NID1: variants seen among roughly 807,000 people sequenced by gnomAD.
NID1 encodes nidogen 1.
NID1 carries 76 observed loss-of-function variants against 130.6 expected under a neutral mutation model. That is an observed-to-expected ratio of 0.58 (90% CI 0.48 to 0.70). The LOEUF is 0.70. Among genes scored for constraint, NID1 ranks in the 30% least tolerant of loss-of-function variants. The probability of loss-of-function intolerance (pLI) is 0.00; values close to 1 mark genes in which losing one functional copy is unlikely to be tolerated. For synonymous variants in NID1, 665 were observed against 675.1 expected (o/e 0.98, Z 0.23); for missense variants, 1,517 against 1,664.8 (o/e 0.91, Z 1.54).
intron 1 of NID1, among the ~76,000 whole-genome samples, chr1:236,057,866 C>T (rs1659939757): frequency 6.6e-6 from 1 of 152,204 alleles, no homozygotes; most frequent in Non-Finnish European, 1.5e-5. Context: ...CTTGTGAAGG[C>T]TTTCTGACCT....
rs769350405 is a variant in NID1, at chr1:236,013,510, A to C, written c.2305T>G (p.Cys769Gly). 1 of 1,614,028 alleles carries C rather than the reference A, an allele frequency of 6.2e-7. No homozygotes were observed. Among genetic ancestry groups the C allele is most frequent in the African/African-American group, 1.3e-5 (1 of 74,918 alleles). Residue 769 changes from cysteine (C) to glycine (G), a missense_variant, in exon 11 of 20, where the codon TGC becomes GGC. Cys to Gly is a radical substitution (Grantham distance 159, BLOSUM62 -3). This residue lies in a region of NID1 where 1,329 missense variants were observed against 1,429.2 expected (regional missense o/e 0.93). Transcript: ENST00000264187. ...INYCETGLHN[C>G]DIPQRAQCIY... ...CACTGGGCCCGCTGGGGTATGTCGC[A>C]GTTATGAAGGCCAGTTTCACAGTAG...
At chr1:236,007,054 G>C (rs1283250849) in intron 12 of NID1, among the ~76,000 whole-genome samples, 1 of 152,062 alleles carries the variant, frequency 6.6e-6, no homozygotes, top group African/African-American at 2.4e-5. Flanking sequence ...AAAGGGTCTA[G>C]CTCTGTCACC....
chr1:235,994,875 T>G (rs531829579), intron 12 of NID1, among the ~76,000 whole-genome samples: 3 of 152,318 alleles, frequency 2.0e-5, no homozygotes, highest in Admixed American at 2.0e-4. Context: ...TTTTATATTT[T>G]TAGTAGAGAC....
chr1:236,027,600 G>A (rs1034714351), intron 7 of NID1, among the ~76,000 whole-genome samples: 5 of 152,198 alleles, frequency 3.3e-5, no homozygotes, highest in Non-Finnish European at 5.9e-5. Context: ...AGGCTGAAGC[G>A]GGAGGATCAC....
At chr1:235,991,147 A>G (rs1283420938) in intron 13 of NID1, 89 bp from the exon 14 acceptor site, 17 of 1,094,122 alleles carry the variant, frequency 1.6e-5, no homozygotes, top group Non-Finnish European at 2.2e-5. Context: ...ACATGCACGC[A>G]TGCACACACA....
At chr1:236,003,230 C>T (rs1290037885) in intron 12 of NID1, among the ~76,000 whole-genome samples, 1 of 152,038 alleles carries the variant, frequency 6.6e-6, no homozygotes. Flanking sequence ...TTATTCACTA[C>T]TAATTTCAAG....
intron 7 of NID1, among the ~76,000 whole-genome samples, chr1:236,026,709 T>C (rs1458503269): frequency 1.3e-5 from 2 of 152,054 alleles, no homozygotes; most frequent in East Asian, 3.9e-4. Flanking sequence ...TTATCTCAAT[T>C]ATGATTCAAT....
intron 9 of NID1, among the ~76,000 whole-genome samples, chr1:236,017,490 AT>A (rs1375914240): frequency 6.6e-6 from 1 of 151,674 alleles, no homozygotes; most frequent in African/African-American, 2.4e-5. Context: ...GGTTCAAGTG[AT>A]TCTCCTGCCT....
chr1:235,994,094 TC>T (rs757113584), intron 12 of NID1, among the ~76,000 whole-genome samples: 6 of 152,252 alleles, frequency 3.9e-5, no homozygotes, highest in Non-Finnish European at 7.3e-5. Context: ...CCTAGGTAGT[TC>T]CTTTTAAAAC....
At chr1:235,987,428 GAAAGGTAC>G (rs1232962457) in intron 14 of NID1, among the ~76,000 whole-genome samples, 1 of 152,218 alleles carries the variant, frequency 6.6e-6, no homozygotes. Context: ...GAAACCAGGT[GAAAGGTAC>G]ACAGGACCTC....
intron 2 of NID1, 134 bp from the exon 3 acceptor site, chr1:236,045,817 G>A (rs550669650): frequency 6.8e-5 from 47 of 692,786 alleles, no homozygotes; most frequent in Non-Finnish European, 9.9e-5. Context: ...TCTAAAAGAA[G>A]GACTTTTGTA....
chr1:236,038,877 A>G (rs981863881), intron 4 of NID1, among the ~76,000 whole-genome samples: 1 of 100,946 alleles, frequency 9.9e-6, no homozygotes, highest in Non-Finnish European at 1.9e-5. Context: ...TATAATATAT[A>G]TTACCTATGT....
chr1:235,991,780 G>A (rs1657748989), intron 13 of NID1, among the ~76,000 whole-genome samples: 1 of 152,192 alleles, frequency 6.6e-6, no homozygotes, highest in Non-Finnish European at 1.5e-5. Flanking sequence ...TGCCCACAGG[G>A]AGCCAGGTTC....
intron 1 of NID1, chr1:236,064,556 G>A (rs912840635): frequency 3.1e-5 from 11 of 354,970 alleles, no homozygotes; most frequent in African/African-American, 2.2e-4. Flanking sequence ...ACCTCCCTGC[G>A]GCGATGCAGC....
At chr1:235,987,270 T>A (rs546579693) in intron 14 of NID1, among the ~76,000 whole-genome samples, 1 of 152,344 alleles carries the variant, frequency 6.6e-6, no homozygotes, top group African/African-American at 2.4e-5. Flanking sequence ...GAAAGAACAC[T>A]GAGTTGCTTA....
At chr1:236,007,941 C>A (rs1037403720) in intron 12 of NID1, among the ~76,000 whole-genome samples, 7 of 152,126 alleles carry the variant, frequency 4.6e-5, no homozygotes, top group Admixed American at 3.9e-4. Flanking sequence ...TAACTTCTAA[C>A]CATGACCCAT....
At position 236,048,847 on chromosome 1, in the gene NID1, C is replaced by T. The variant is rs778187483; in HGVS notation, c.368G>A (p.Arg123Gln). 4 of 1,613,970 alleles carry T rather than the reference C, an allele frequency of 2.5e-6. No individual in the cohort carries two copies. The highest frequency in any genetic ancestry group is 1.1e-5 in the South Asian group (1 of 91,082). Residue 123 changes from arginine to glutamine, a missense_variant, in exon 2 of 20, where the codon CGA becomes CAA. Arg to Gln is a conservative substitution (Grantham distance 43, BLOSUM62 1). This residue lies in a region of NID1 where 1,329 missense variants were observed against 1,429.2 expected (regional missense o/e 0.93). Coordinates refer to ENST00000264187, the MANE Select transcript of NID1 (RefSeq NM_002508.3). ...AGTGATGGAGGGGGATAAGTCTTCT[C>T]GATAATAAACCTTCCCCAGGCCATC... ...TTDGLGKVYY[R>Q]EDLSPSITQR...
intron 13 of NID1, 56 bp from the exon 14 acceptor site, chr1:235,991,114 T>G: frequency 2.6e-5 from 37 of 1,404,022 alleles, no homozygotes; most frequent in African/African-American, 3.2e-5. Flanking sequence ...AACACACAGA[T>G]GCACACACAC....
chr1:236,021,366 CAA>C (rs1401827257), intron 9 of NID1, among the ~76,000 whole-genome samples: 1 of 152,220 alleles, frequency 6.6e-6, no homozygotes, highest in Non-Finnish European at 1.5e-5. Flanking sequence ...ACCACATATA[CAA>C]AGCTATCAGC....
Sources: gnomAD v4.1 joint callset for allele counts (sites outside exome capture counted in the v4.1 genomes callset) on GRCh38, gnomAD v4.1.1 for gene constraint, gnomAD v4.1.1 regional missense constraint, MANE v1.5 for transcripts, NCBI Gene and HGNC (gene_info 2026-07-23, HGNC 2026-07-21) for gene names.